ITPR2: variants seen among roughly 807,000 people sequenced by gnomAD.
ITPR2 encodes inositol 1,4,5-trisphosphate receptor type 2.
ITPR2 carries 207 observed loss-of-function variants against 317.1 expected under a neutral mutation model. That is an observed-to-expected ratio of 0.65 (90% CI 0.58 to 0.73). ITPR2 has a LOEUF of 0.73. Among genes scored for constraint, ITPR2 ranks in the 30% least tolerant of loss-of-function variants. The pLI is 0.00. For missense variants in ITPR2, 2,613 were observed against 3,284.0 expected (o/e 0.80, Z 4.99); for synonymous variants, 1,156 against 1,149.1 (o/e 1.01, Z -0.12).
intron 37 of ITPR2, among the ~76,000 whole-genome samples, chr12:26,544,157 A>G (rs1418144614): frequency 6.6e-6 from 1 of 152,240 alleles, no homozygotes; most frequent in African/African-American, 2.4e-5. Context: ...GATTTCACAT[A>G]TAGGCACACT....
chr12:26,481,310 T>TA, intron 42 of ITPR2, 69 bp from the exon 43 acceptor site: 7 of 849,206 alleles, frequency 8.2e-6, no homozygotes, highest in Non-Finnish European at 1.3e-5. Flanking sequence ...TAACAGGATA[T>TA]AAAACAACAT....
At chr12:26,647,108 A>G (rs1947130525) in intron 21 of ITPR2, among the ~76,000 whole-genome samples, 1 of 152,236 alleles carries the variant, frequency 6.6e-6, no homozygotes, top group South Asian at 2.1e-4. Context: ...AAGTTCACTG[A>G]ACGATGTAGA....
At position 26,709,990 on chromosome 12, in the gene ITPR2, G is replaced by A. The variant is rs138631486; in HGVS notation, c.951+1183C>T. The stretch of plus-strand genomic sequence containing the variant: ...ACAGTGGCTCATGCCTATAATCCCA[G>A]GGCTTTGGGAGGCCGAGGCAGGCGC... On this transcript the variant is annotated intron_variant, in intron 9 of 56. Transcript: ENST00000381340. Among the ~76,000 whole-genome samples the A allele has an allele frequency of 4.3e-3, 651 of 152,254 alleles. 9 individuals carry two copies. The highest frequency in any genetic ancestry group is 0.015 in the African/African-American group (621 of 41,536).
intron 2 of ITPR2, among the ~76,000 whole-genome samples, chr12:26,743,179 T>C (rs1949264181): frequency 6.6e-6 from 1 of 152,122 alleles, no homozygotes; most frequent in African/African-American, 2.4e-5. Context: ...AAAGAAATAA[T>C]AGGTATAGTA....
At position 26,671,576 on chromosome 12, in the gene ITPR2, T is replaced by A. The variant is rs200992264; in HGVS notation, c.1410-5525A>T. On this transcript the variant is annotated intron_variant, in intron 13 of 56. Coordinates refer to ENST00000381340, the MANE Select transcript of ITPR2 (RefSeq NM_002223.4). ...ACTAAACATGGAAAGGAACAACTGG[T>A]ACCAGCCGCTGCAAAATCATGTCAA... is the stretch of plus-strand genomic sequence containing the variant. 6.6e-5 allele frequency among the ~76,000 whole-genome samples: 10 copies of A among 152,190 alleles called. No individual in the cohort carries two copies. The East Asian group carries it at 1.4e-3, about 21-fold the overall frequency.
intron 47 of ITPR2, among the ~76,000 whole-genome samples, chr12:26,438,682 T>C (rs1941416635): frequency 6.6e-6 from 1 of 152,108 alleles, no homozygotes; most frequent in East Asian, 1.9e-4. Context: ...GGTAAAGATA[T>C]GTTCAAAGAA....
At chr12:26,349,066 C>T (rs971036865) in intron 55 of ITPR2, among the ~76,000 whole-genome samples, 4 of 152,048 alleles carry the variant, frequency 2.6e-5, no homozygotes, top group Non-Finnish European at 4.4e-5. Flanking sequence ...AAGGATCATT[C>T]GAGCCTAGAA....
Position 26,627,980 on chromosome 12 carries a change from C to A in ITPR2, c.3064+53G>T, listed in dbSNP as rs1420600764. The stretch of plus-strand genomic sequence containing the variant: ...TGTTTTAAAATATGATAGGTACTTT[C>A]AAGTTCTCAGAAAAATAAAATAAAA... On this transcript the variant is annotated intron_variant, in intron 23 of 56. Transcript: ENST00000381340. 3.4e-6 allele frequency: 5 copies of A among 1,473,524 alleles called. No homozygotes were observed. In the South Asian group the frequency reaches 5.2e-5, roughly 15 times the overall value. 91.3% of individuals were successfully genotyped at this position (1,473,524 alleles called of 1,614,324 possible).
intron 37 of ITPR2, among the ~76,000 whole-genome samples, chr12:26,533,943 T>C (rs1944013922): frequency 6.6e-6 from 1 of 152,196 alleles, no homozygotes; most frequent in South Asian, 2.1e-4. Context: ...CAGAAGATGA[T>C]ACAATACAAG....
chr12:26,629,882 G>A (rs2136828901), intron 22 of ITPR2, among the ~76,000 whole-genome samples: 2 of 152,278 alleles, frequency 1.3e-5, no homozygotes, highest in East Asian at 3.9e-4. Context: ...ATTGAGGAAG[G>A]CACTAAGGGC....
chr12:26,788,615 G>A (rs979943886), intron 2 of ITPR2, among the ~76,000 whole-genome samples: 4 of 152,070 alleles, frequency 2.6e-5, no homozygotes, highest in Non-Finnish European at 5.9e-5. Context: ...CCTCAGTTTA[G>A]CAAGTTCTCA....
intron 37 of ITPR2, among the ~76,000 whole-genome samples, chr12:26,504,166 G>A (rs546701714): frequency 5.3e-5 from 8 of 152,266 alleles, no homozygotes; most frequent in South Asian, 4.1e-4. Context: ...TCCATGTTCT[G>A]TGGGAAAAGA....
At chr12:26,573,373 T>C (rs1945207778) in intron 34 of ITPR2, among the ~76,000 whole-genome samples, 1 of 152,172 alleles carries the variant, frequency 6.6e-6, no homozygotes, top group Non-Finnish European at 1.5e-5. Context: ...CAAACACTTA[T>C]TAATCTGCTT....
intron 37 of ITPR2, among the ~76,000 whole-genome samples, chr12:26,511,186 G>T (rs1453020657): frequency 6.6e-6 from 1 of 152,172 alleles, no homozygotes; most frequent in Non-Finnish European, 1.5e-5. Context: ...TGCTCCACAA[G>T]TATCATCCCA....
intron 32 of ITPR2, among the ~76,000 whole-genome samples, chr12:26,592,524 T>A (rs1438165277): frequency 6.6e-6 from 1 of 152,190 alleles, no homozygotes; most frequent in Non-Finnish European, 1.5e-5. Context: ...CTGTACCTCA[T>A]AAATATATAC....
Position 26,516,285 on chromosome 12 carries a change from G to GGAAA in ITPR2, c.5074-21026_5074-21025insTTTC, listed in dbSNP as rs1943504362. ...AGGAAAGGAAAGGAAGGGAAGGGAA[G>GGAAA]GGAAAGGAAAGGAAAGGAAAGGAAA... On this transcript the variant is annotated intron_variant, in intron 37 of 56. Transcript: ENST00000381340. 3.3e-4 allele frequency among the ~76,000 whole-genome samples: 14 copies of GGAAA among 42,824 alleles called. 2 individuals are homozygous for GGAAA. Among genetic ancestry groups the GGAAA allele is most frequent in the African/African-American group, 1.4e-3 (12 of 8,376 alleles). The allele number at this position is 42,824 out of a possible 152,430, so 28.1% of individuals were successfully genotyped here. A position where few individuals can be genotyped will look rare whatever the true frequency, so the allele number is the denominator to read the frequency against.
intron 1 of ITPR2, among the ~76,000 whole-genome samples, chr12:26,803,359 C>CAAA (rs34175926): frequency 4.8e-5 from 7 of 145,082 alleles, no homozygotes; most frequent in African/African-American, 1.0e-4. Flanking sequence ...ATAGTAAGTG[C>CAAA]AAAAAAAAAA....
intron 51 of ITPR2, among the ~76,000 whole-genome samples, chr12:26,413,405 C>T (rs962289509): frequency 2.6e-5 from 4 of 152,220 alleles, no homozygotes; most frequent in African/African-American, 7.2e-5. Context: ...CTCCAAATTT[C>T]ACTGGCTACC....
At chr12:26,441,628 A>T (rs1358388658) in intron 46 of ITPR2, among the ~76,000 whole-genome samples, 2 of 152,168 alleles carry the variant, frequency 1.3e-5, no homozygotes, top group African/African-American at 2.4e-5. Context: ...CTGATCAACG[A>T]GTTCATCAGC....
Sources: allele counts gnomAD v4.1 joint callset (sites outside exome capture counted in the v4.1 genomes callset), GRCh38; gene constraint gnomAD v4.1.1; transcripts MANE v1.5; gene names NCBI Gene and HGNC (gene_info 2026-07-23, HGNC 2026-07-21).